Variants in FA2H observed in about 807,000 individuals in gnomAD.
FA2H encodes fatty acid 2-hydroxylase.
Under a neutral mutation model 44.9 loss-of-function variants are expected in FA2H, and 22 were observed. That is an observed-to-expected ratio of 0.49 (90% confidence interval 0.35 to 0.70). The LOEUF is 0.70. Among genes scored for constraint, FA2H ranks in the 30% least tolerant of loss-of-function variants. The pLI, the probability that FA2H is intolerant of heterozygous loss-of-function variation, is 0.01. For missense variants in FA2H, 501 were observed against 504.9 expected (o/e 0.99, Z 0.07); for synonymous variants, 243 against 213.2 (o/e 1.14, Z -1.22).
intron 1 of FA2H, among the ~76,000 whole-genome samples, chr16:74,768,046 T>C (rs757272735): frequency 6.6e-6 from 1 of 152,104 alleles, no homozygotes; most frequent in Non-Finnish European, 1.5e-5. Flanking sequence ...GGGATGCTTA[T>C]CACCTGTCTA....
At chr16:74,742,467 T>C (rs986102390) in intron 1 of FA2H, among the ~76,000 whole-genome samples, 3 of 152,170 alleles carry the variant, frequency 2.0e-5, no homozygotes, top group Admixed American at 6.5e-5. Flanking sequence ...GCCGAGTACA[T>C]AGGACAGGCA....
At chr16:74,766,373 T>G (rs773490091) in intron 1 of FA2H, among the ~76,000 whole-genome samples, 1 of 149,496 alleles carries the variant, frequency 6.7e-6, no homozygotes, top group Admixed American at 6.7e-5. Context: ...AGAGTCTGAG[T>G]GAAGGGGAAA....
intron 2 of FA2H, among the ~76,000 whole-genome samples, chr16:74,739,691 T>A (rs572602091): frequency 6.6e-6 from 1 of 152,300 alleles, no homozygotes; most frequent in East Asian, 1.9e-4. Context: ...AAAATGGGCA[T>A]GTCTGGGCCT....
intron 4 of FA2H, among the ~76,000 whole-genome samples, chr16:74,725,304 T>C (rs1194505029): frequency 6.6e-6 from 1 of 152,174 alleles, no homozygotes; most frequent in African/African-American, 2.4e-5. Flanking sequence ...GAGCTTCCCC[T>C]GGCAGAGTGA....
At chr16:74,731,670 G>A (rs988727171) in intron 2 of FA2H, among the ~76,000 whole-genome samples, 2 of 151,964 alleles carry the variant, frequency 1.3e-5, no homozygotes, top group Admixed American at 6.6e-5. Flanking sequence ...ACAGGTGGGC[G>A]CCACCACACA....
intron 3 of FA2H, 142 bp from the exon 4 acceptor site, chr16:74,726,473 C>G (rs1437105717): frequency 1.7e-6 from 1 of 604,434 alleles, no homozygotes; most frequent in African/African-American, 1.8e-5. Context: ...ACTGCAACCT[C>G]TGCCTCTGGG....
chr16:74,726,386 A>T, intron 3 of FA2H, 55 bp from the exon 4 acceptor site: 1 of 1,111,622 alleles, frequency 9.0e-7, no homozygotes, highest in Non-Finnish European at 1.3e-6. Context: ...TTGACAGAGT[A>T]CAGCTTTCTT....
intron 6 of FA2H, among the ~76,000 whole-genome samples, chr16:74,714,923 G>A (rs576606535): frequency 2.7e-5 from 4 of 148,410 alleles, no homozygotes; most frequent in Non-Finnish European, 4.4e-5. Flanking sequence ...TGCAAGCTCC[G>A]CCTCCTGGGT....
In FA2H at chr16:74,714,223, G is replaced by A. The variant is rs923262192; in HGVS notation, c.1086C>T (p.Leu362=). ...TKLWDYCFHT[L]TPEKPHLKTQ ...TCTTCAGGTGGGGTTTCTCTGGAGT[G>A]AGGGTGTGGAAACAGTAATCCCACA... The change falls in exon 7 of 7, where the codon CTC becomes CTT. Residue 362 remains leucine, a synonymous_variant. Coordinates refer to ENST00000219368, the MANE Select transcript of FA2H (RefSeq NM_024306.5). 8 of 1,566,356 alleles carry A rather than the reference G, an allele frequency of 5.1e-6. No homozygotes were observed. The Admixed American group carries it at 9.5e-5, about 19-fold the overall frequency.
chr16:74,766,568 C>A (rs1031495699), intron 1 of FA2H, among the ~76,000 whole-genome samples: 7 of 151,828 alleles, frequency 4.6e-5, no homozygotes, highest in Non-Finnish European at 5.9e-5. Flanking sequence ...CAAGAGACTG[C>A]GACAATAGTG....
intron 2 of FA2H, among the ~76,000 whole-genome samples, chr16:74,737,860 G>A (rs1166883457): frequency 6.6e-6 from 1 of 152,078 alleles, no homozygotes; most frequent in African/African-American, 2.4e-5. Flanking sequence ...AGCCCCCGCT[G>A]CCTGGGTCAG....
chr16:74,758,724 G>A (rs1462978281), intron 1 of FA2H, among the ~76,000 whole-genome samples: 1 of 152,102 alleles, frequency 6.6e-6, no homozygotes, highest in African/African-American at 2.4e-5. Flanking sequence ...CCAGGAGCTC[G>A]AGACTAGCCT....
intron 2 of FA2H, among the ~76,000 whole-genome samples, chr16:74,737,615 A>G (rs1567641436): frequency 6.6e-6 from 1 of 151,722 alleles, no homozygotes; most frequent in Non-Finnish European, 1.5e-5. Context: ...CTCTGTCCCC[A>G]CCTTCTAGGG....
chr16:74,736,393 A>G (rs6564164), intron 2 of FA2H, among the ~76,000 whole-genome samples: 149,451 of 152,274 alleles, frequency 0.98, 73,342 homozygotes, highest in East Asian at 1. Flanking sequence ...CAGTGCCCAC[A>G]GTGCCAAGGC....
At position 74,716,490 on chromosome 16, in the gene FA2H, G is replaced by C. The variant is rs1204200853; in HGVS notation, c.896C>G (p.Thr299Ser). ...QLILPEAVGG[T>S]VFAGGLLGYV... is the part of the protein sequence containing the mutation. ...GCCCAGGAGGCCCCCCGCAAACACA[G>C]TGCCCCCTACTGCCTCGGGCAGGAT... The change falls in exon 6 of 7, where the codon ACT becomes AGT. Residue 299 changes from threonine (T) to serine (S), a missense_variant. Physicochemically the swap from Thr to Ser is moderately conservative, Grantham distance 58. Transcript: ENST00000219368. 3.7e-6 allele frequency: 6 copies of C among 1,613,752 alleles called. No individual in the cohort carries two copies. The highest frequency in any genetic ancestry group is 5.1e-6 in the Non-Finnish European group (6 of 1,179,970).
intron 1 of FA2H, among the ~76,000 whole-genome samples, chr16:74,745,526 A>G (rs1962401784): frequency 6.6e-6 from 1 of 152,226 alleles, no homozygotes; most frequent in African/African-American, 2.4e-5. Flanking sequence ...GCAATGGCCA[A>G]GGTGCTCTGC....
intron 1 of FA2H, among the ~76,000 whole-genome samples, chr16:74,757,015 C>T (rs1962624635): frequency 6.7e-6 from 1 of 149,634 alleles, no homozygotes; most frequent in African/African-American, 2.5e-5. Flanking sequence ...TCTTTTACTA[C>T]AAGGAAATTT....
intron 1 of FA2H, among the ~76,000 whole-genome samples, chr16:74,753,330 T>G (rs575921516): frequency 1.1e-4 from 16 of 152,192 alleles, no homozygotes; most frequent in Admixed American, 7.2e-4. Flanking sequence ...TGTCCACAGC[T>G]CAACTGCTCC....
At chr16:74,737,595 C>A (rs930868244) in intron 2 of FA2H, among the ~76,000 whole-genome samples, 4 of 152,210 alleles carry the variant, frequency 2.6e-5, no homozygotes, top group Non-Finnish European at 5.9e-5. Context: ...TTCTCACACA[C>A]ACCTTCCCAC....
Sources: gnomAD v4.1 joint callset for allele counts (sites outside exome capture counted in the v4.1 genomes callset) on GRCh38, gnomAD v4.1.1 for gene constraint, MANE v1.5 for transcripts, NCBI Gene and HGNC (gene_info 2026-07-23, HGNC 2026-07-21) for gene names.